The following FBXO34 variants were observed in gnomAD, a reference collection of about 807,000 sequenced individuals.
FBXO34 encodes the protein F-box protein 34.
In FBXO34, 12 loss-of-function variants were observed where a neutral mutation model predicts 24.5. The observed-to-expected ratio is 0.49, with a 90% CI of 0.31 to 0.79. The LOEUF is 0.79. Ranked by LOEUF, FBXO34 falls within the 30% of genes least tolerant of loss-of-function variation. The pLI, the probability that FBXO34 is intolerant of heterozygous loss-of-function variation, is 0.04. For missense variants in FBXO34, 823 were observed against 857.7 expected (o/e 0.96, Z 0.51); for synonymous variants, 320 against 311.9 (o/e 1.03, Z -0.27).
At chr14:55,342,917 T>C (rs917633914) in intron 1 of FBXO34, among the ~76,000 whole-genome samples, 4 of 152,224 alleles carry the variant, frequency 2.6e-5, no homozygotes, top group African/African-American at 9.6e-5. Flanking sequence ...GGGGAAAGTA[T>C]AGATCCAGGA....
chr14:55,292,574 G>A (rs912664857), intron 1 of FBXO34, among the ~76,000 whole-genome samples: 4 of 152,244 alleles, frequency 2.6e-5, no homozygotes, highest in Non-Finnish European at 5.9e-5. Context: ...TGTTGCACAG[G>A]CTGGTCTTAA....
At chr14:55,317,425 GACCC>G (rs1882970068) in intron 1 of FBXO34, among the ~76,000 whole-genome samples, 1 of 152,070 alleles carries the variant, frequency 6.6e-6, no homozygotes, top group African/African-American at 2.4e-5. Flanking sequence ...AGGTTGCAGT[GACCC>G]GAGATTGTGC....
chr14:55,364,004 G>A (rs996907526), downstream of FBXO34, among the ~76,000 whole-genome samples: 5 of 151,888 alleles, frequency 3.3e-5, no homozygotes, highest in Admixed American at 3.3e-4. Context: ...GACTGCAATG[G>A]TGTGATCTTG....
chr14:55,301,732 C>G (rs894206930), intron 1 of FBXO34, among the ~76,000 whole-genome samples: 1 of 152,112 alleles, frequency 6.6e-6, no homozygotes, highest in African/African-American at 2.4e-5. Context: ...ATGTCATGCC[C>G]AGTGTAATGG....
the FBXO34 span, among the ~76,000 whole-genome samples, chr14:55,419,097 G>C: frequency 2.6e-5 from 4 of 152,242 alleles, no homozygotes; most frequent in Admixed American, 6.5e-5. Flanking sequence ...AGCTGACAAG[G>C]AGAATTAAGA....
intron 1 of FBXO34, among the ~76,000 whole-genome samples, chr14:55,321,899 C>A (rs751722693): frequency 6.6e-6 from 1 of 152,182 alleles, no homozygotes; most frequent in Non-Finnish European, 1.5e-5. Context: ...GATGCTTTTC[C>A]GTTTAAAATT....
At chr14:55,436,480 T>C in the FBXO34 span, 43 of 1,210,786 alleles carry the variant, frequency 3.6e-5, 1 homozygote, top group South Asian at 5.7e-4. Context: ...CCTACTATTA[T>C]CCTGAAATTA....
rs1049549353 is a variant in FBXO34, at chr14:55,298,849, A to G, written c.-11+27312A>G. On this transcript the variant is annotated intron_variant, in intron 1 of 1. Transcript: ENST00000313833. ...AAGAGGTATGAGAAGCAGCTGGCGC[A>G]GATCGACGGTACATTATCAACCATC... The G allele has an allele frequency of 1.2e-5, 19 of 1,612,392 alleles. No homozygotes were observed. The Middle Eastern group carries it at 4.9e-4, about 42-fold the overall frequency.
rs373736848 is a variant in FBXO34 at position 55,352,388 on chromosome 14, G to A, written c.1998G>A (p.Met666Ile). 9.3e-6 allele frequency: 15 copies of A among 1,614,242 alleles called. No individual in the cohort carries two copies. The highest frequency in any genetic ancestry group is 3.3e-5 in the Admixed American group (2 of 60,032). The change falls in exon 2 of 2, where the codon ATG becomes ATA. Residue 666 changes from methionine to isoleucine, a missense_variant. Coordinates refer to ENST00000313833, the MANE Select transcript of FBXO34 (RefSeq NM_017943.4). ...TGCCCTATGGGCCAGGGTATTGGAT[G>A]TGCTGCCACCGGTCTCAGAAAGGAT... ...QALPYGPGYW[M>I]CCHRSQKGFP...
At chr14:55,385,800 C>A in the FBXO34 span, 1 of 1,390,682 alleles carries the variant, frequency 7.2e-7, no homozygotes, top group Non-Finnish European at 9.9e-7. Context: ...TAATGACATA[C>A]TTTAAAAAGT....
At position 55,295,387 on chromosome 14, in the gene FBXO34, ATTTTTTTTTTTT is replaced by A. The variant is rs3051307; in HGVS notation, c.-11+23862_-11+23873del. Among the ~76,000 whole-genome samples, 724 of 91,412 alleles carry A rather than the reference ATTTTTTTTTTTT, an allele frequency of 7.9e-3. 27 individuals are homozygous for A. The highest frequency in any genetic ancestry group is 0.076 in the Admixed American group (611 of 7,998). 60.0% of individuals were successfully genotyped at this position (91,412 alleles called of 152,430 possible). On this transcript the variant is annotated intron_variant, in intron 1 of 1. Coordinates refer to ENST00000313833, the MANE Select transcript of FBXO34 (RefSeq NM_017943.4). ...CTCTATGAGGTAAATATTCTTTTCT[ATTTTTTTTTTTT>A]TTTTTTTTTTTGGAGACAGAGTCTC... is the stretch of plus-strand genomic sequence containing the variant.
chr14:55,295,911 A>G (rs1882105183), intron 1 of FBXO34, among the ~76,000 whole-genome samples: 2 of 152,168 alleles, frequency 1.3e-5, no homozygotes. Flanking sequence ...CAAAGAGACC[A>G]TTATCTTTTA....
At chr14:55,332,581 A>G (rs1472643879) in intron 1 of FBXO34, among the ~76,000 whole-genome samples, 1 of 152,336 alleles carries the variant, frequency 6.6e-6, no homozygotes, top group East Asian at 1.9e-4. Context: ...TTCTAAAACT[A>G]GGAGGGAAGT....
the FBXO34 span, among the ~76,000 whole-genome samples, chr14:55,415,649 G>C: frequency 6.6e-6 from 1 of 152,150 alleles, no homozygotes; most frequent in African/African-American, 2.4e-5. Context: ...TGGATCACCT[G>C]AGGTCAGGAG....
At chr14:55,338,919 AAC>A (rs1393528188) in intron 1 of FBXO34, among the ~76,000 whole-genome samples, 5 of 131,236 alleles carry the variant, frequency 3.8e-5, no homozygotes, top group African/African-American at 1.4e-4. Context: ...AACAAAAAAA[AAC>A]AAAAAAAAAA....
At chr14:55,314,821 T>C (rs1196221796) in intron 1 of FBXO34, among the ~76,000 whole-genome samples, 1 of 152,260 alleles carries the variant, frequency 6.6e-6, no homozygotes, top group African/African-American at 2.4e-5. Context: ...CATAGTTTAG[T>C]TGATAGCTGT....
chr14:55,397,068 C>T, the FBXO34 span, among the ~76,000 whole-genome samples: 4 of 152,334 alleles, frequency 2.6e-5, no homozygotes, highest in South Asian at 2.1e-4. Flanking sequence ...GCCACCAGCA[C>T]TAATTTAAGT....
chr14:55,385,689 C>T, the FBXO34 span, among the ~76,000 whole-genome samples: 1 of 152,196 alleles, frequency 6.6e-6, no homozygotes, highest in African/African-American at 2.4e-5. Flanking sequence ...CTCGCTGCCT[C>T]CCCAGCTTTC....
At position 55,322,870 on chromosome 14, in the gene FBXO34, T is replaced by A. The variant is rs1201602925; in HGVS notation, c.-10-27511T>A. 2.0e-5 allele frequency among the ~76,000 whole-genome samples: 3 copies of A among 151,830 alleles called. No homozygotes were observed. The East Asian group carries it at 5.9e-4, about 30-fold the overall frequency. ...TTTACTCAGTGTGCCATTAAAAATT[T>A]TTTTACTAAAATTATTTTTTTGGCC... On this transcript the variant is annotated intron_variant, in intron 1 of 1. Transcript: ENST00000313833.
Sources: allele counts gnomAD v4.1 joint callset (sites outside exome capture counted in the v4.1 genomes callset), GRCh38; gene constraint gnomAD v4.1.1; transcripts MANE v1.5; gene names NCBI Gene and HGNC (gene_info 2026-07-23, HGNC 2026-07-21).